SYN2: variants seen among roughly 807,000 people sequenced by gnomAD.
The protein encoded by SYN2 is synapsin II.
SYN2 carries 19 observed loss-of-function variants against 50.9 expected under a neutral mutation model. The ratio of observed to expected loss-of-function variants is 0.37; its 90% confidence interval spans 0.26 to 0.55. SYN2 has a LOEUF of 0.55. SYN2 is among the 20% of genes least tolerant of loss of function. SYN2 has a pLI of 0.81. For missense variants in SYN2, 587 were observed against 576.4 expected (o/e 1.02, Z -0.19); for synonymous variants, 255 against 224.9 (o/e 1.13, Z -1.20).
chr3:12,015,956 A>G (rs1694021583), intron 1 of SYN2, among the ~76,000 whole-genome samples: 1 of 152,152 alleles, frequency 6.6e-6, no homozygotes, highest in Non-Finnish European at 1.5e-5. Context: ...TTCGTACAAT[A>G]ATTTCAGCCT....
At chr3:12,063,120 G>A (rs1228272035) in intron 1 of SYN2, among the ~76,000 whole-genome samples, 4 of 151,724 alleles carry the variant, frequency 2.6e-5, no homozygotes, top group African/African-American at 7.3e-5. Flanking sequence ...AGGAGATTTG[G>A]GGGGTGGTGA....
At chr3:12,092,080 T>A (rs1175717341) in intron 1 of SYN2, among the ~76,000 whole-genome samples, 1 of 151,836 alleles carries the variant, frequency 6.6e-6, no homozygotes. Flanking sequence ...TTCATTTTTT[T>A]AAAAAAGTGT....
chr3:12,123,215 T>C (rs996570367), intron 1 of SYN2, among the ~76,000 whole-genome samples: 1 of 152,174 alleles, frequency 6.6e-6, no homozygotes, highest in African/African-American at 2.4e-5. Flanking sequence ...TTTTCCATAA[T>C]TGATAAAAGA....
chr3:12,010,907 G>A (rs753741559), intron 1 of SYN2, among the ~76,000 whole-genome samples: 11 of 152,220 alleles, frequency 7.2e-5, no homozygotes, highest in Non-Finnish European at 1.2e-4. Flanking sequence ...TGTGATGCCT[G>A]CTGTGTATAT....
chr3:12,005,046 G>A, intron 1 of SYN2, 118 bp downstream of exon 1: 2 of 384,066 alleles, frequency 5.2e-6, no homozygotes, highest in Non-Finnish European at 9.3e-6. Context: ...GAGGGTCCCC[G>A]AGGTCCCGCT....
chr3:12,168,300 G>A (rs1697851216), intron 8 of SYN2, 76 bp from the exon 9 acceptor site: 6 of 1,198,372 alleles, frequency 5.0e-6, no homozygotes, highest in South Asian at 3.9e-5. Flanking sequence ...GAGGCAGCAA[G>A]GAGAGCCTGA....
intron 1 of SYN2, among the ~76,000 whole-genome samples, chr3:12,061,413 T>G (rs1359113584): frequency 6.6e-6 from 1 of 152,104 alleles, no homozygotes; most frequent in Non-Finnish European, 1.5e-5. Flanking sequence ...CTCAACTTAT[T>G]AAAGAACATC....
chr3:12,076,523 A>G (rs1695470972), intron 1 of SYN2, among the ~76,000 whole-genome samples: 1 of 151,928 alleles, frequency 6.6e-6, no homozygotes, highest in Non-Finnish European at 1.5e-5. Context: ...CGTCATTACT[A>G]GATAACATGA....
intron 1 of SYN2, among the ~76,000 whole-genome samples, chr3:12,025,871 TCTC>T (rs1205154818): frequency 6.6e-6 from 1 of 152,230 alleles, no homozygotes; most frequent in East Asian, 1.9e-4. Context: ...TGACACATCC[TCTC>T]CTCCAGCTGG....
intron 1 of SYN2, among the ~76,000 whole-genome samples, chr3:12,112,919 C>T (rs1458275659): frequency 6.6e-6 from 1 of 152,124 alleles, no homozygotes; most frequent in Non-Finnish European, 1.5e-5. Context: ...GAGGAATGAT[C>T]ATCATGGGCT....
intron 1 of SYN2, among the ~76,000 whole-genome samples, chr3:12,063,926 C>A (rs1695161133): frequency 6.6e-6 from 1 of 151,998 alleles, no homozygotes; most frequent in Non-Finnish European, 1.5e-5. Flanking sequence ...TAACTTCCCA[C>A]CCCTTAAGTG....
intron 1 of SYN2, among the ~76,000 whole-genome samples, chr3:12,103,522 A>T (rs1379613809): frequency 6.6e-6 from 1 of 152,178 alleles, no homozygotes; most frequent in Non-Finnish European, 1.5e-5. Context: ...ATTACTTGAG[A>T]CTTAGTGATG....
intron 1 of SYN2, among the ~76,000 whole-genome samples, chr3:12,036,672 C>T (rs1372245225): frequency 4.6e-5 from 7 of 152,148 alleles, no homozygotes; most frequent in East Asian, 3.8e-4. Context: ...AAATGCCTTC[C>T]GGGTCATTCT....
At chr3:12,076,882 C>A (rs769722368) in intron 1 of SYN2, among the ~76,000 whole-genome samples, 7 of 152,062 alleles carry the variant, frequency 4.6e-5, no homozygotes, top group Non-Finnish European at 1.0e-4. Flanking sequence ...TCTGTAGTGA[C>A]AGATGGTTTG....
chr3:12,083,687 C>T (rs183652017), intron 1 of SYN2, among the ~76,000 whole-genome samples: 43 of 152,292 alleles, frequency 2.8e-4, no homozygotes, highest in African/African-American at 1.0e-3. Flanking sequence ...TGGGCTGCTG[C>T]TCCCACTGAA....
chr3:12,154,109 T>G (rs2125227652), intron 5 of SYN2, among the ~76,000 whole-genome samples: 1 of 152,326 alleles, frequency 6.6e-6, no homozygotes, highest in Admixed American at 6.5e-5. Context: ...GGTAGCTGTG[T>G]TACAGTTATC....
At chr3:12,145,126 C>T (rs946296564) in intron 3 of SYN2, among the ~76,000 whole-genome samples, 13 of 152,230 alleles carry the variant, frequency 8.5e-5, no homozygotes, top group Non-Finnish European at 1.3e-4. Flanking sequence ...AATAAAATTA[C>T]AACCGTTGCT....
intron 1 of SYN2, among the ~76,000 whole-genome samples, chr3:12,054,704 T>C (rs1451394561): frequency 6.8e-6 from 1 of 148,046 alleles, no homozygotes; most frequent in Non-Finnish European, 1.5e-5. Context: ...TCCTGGGGAG[T>C]AGTTCCAGTT....
chr3:12,109,035 A>G (rs1301832529), intron 1 of SYN2, among the ~76,000 whole-genome samples: 1 of 152,160 alleles, frequency 6.6e-6, no homozygotes, highest in Non-Finnish European at 1.5e-5. Context: ...TTACATTTTG[A>G]AGTTTTTTCA....
Sources: gnomAD v4.1 joint callset for allele counts (sites outside exome capture counted in the v4.1 genomes callset) on GRCh38, gnomAD v4.1.1 for gene constraint, MANE v1.5 for transcripts, NCBI Gene and HGNC (gene_info 2026-07-23, HGNC 2026-07-21) for gene names.